The following ENOX1 variants were observed in gnomAD, a reference collection of about 807,000 sequenced individuals.
ENOX1 encodes ecto-NOX disulfide-thiol exchanger 1.
ENOX1 carries 42 observed loss-of-function variants against 82.5 expected under a neutral mutation model. That is an observed-to-expected ratio of 0.51 (90% CI 0.40 to 0.66). The LOEUF is 0.66. Ranked by LOEUF, ENOX1 falls within the 30% of genes least tolerant of loss-of-function variation. The pLI is 0.00. For synonymous variants in ENOX1, 271 were observed against 282.2 expected, an observed-to-expected ratio of 0.96 and a Z score of 0.40; for missense variants, 608 against 811.6, an observed-to-expected ratio of 0.75 and a Z score of 3.05.
At chr13:43,619,173 A>C (rs2082617144) in intron 2 of ENOX1, among the ~76,000 whole-genome samples, 1 of 151,956 alleles carries the variant, frequency 6.6e-6, no homozygotes, top group African/African-American at 2.4e-5. Flanking sequence ...AAACAATCAT[A>C]TCATCAGCAA....
intron 2 of ENOX1, among the ~76,000 whole-genome samples, chr13:43,625,906 G>A (rs1240791006): frequency 6.6e-6 from 1 of 151,886 alleles, no homozygotes; most frequent in African/African-American, 2.4e-5. Context: ...AAGAGACTCT[G>A]TAGAATTAGT....
At chr13:43,606,192 A>G (rs2081968609) in intron 2 of ENOX1, among the ~76,000 whole-genome samples, 1 of 152,194 alleles carries the variant, frequency 6.6e-6, no homozygotes. Flanking sequence ...AAAAGGGAAC[A>G]CTTGCACACT....
At chr13:43,636,086 C>T (rs954317397) in intron 2 of ENOX1, among the ~76,000 whole-genome samples, 9 of 152,142 alleles carry the variant, frequency 5.9e-5, no homozygotes, top group Non-Finnish European at 4.4e-5. Context: ...TTCTGTCCTA[C>T]ACCACCTCAG....
At chr13:43,643,649 A>G (rs2083762997) in intron 2 of ENOX1, among the ~76,000 whole-genome samples, 1 of 151,022 alleles carries the variant, frequency 6.6e-6, no homozygotes, top group Non-Finnish European at 1.5e-5. Context: ...ATATATATAT[A>G]CACACACATA....
intron 5 of ENOX1, among the ~76,000 whole-genome samples, chr13:43,401,716 G>C (rs544753549): frequency 7.2e-5 from 11 of 152,136 alleles, no homozygotes; most frequent in Non-Finnish European, 1.6e-4. Flanking sequence ...TCAAGTTCTC[G>C]AGATCCAGAG....
Position 43,236,703 on chromosome 13 carries a change from T to C in ENOX1, c.1647A>G (p.Gln549=), listed in dbSNP as rs150329674. 12 of 1,588,612 alleles carry C rather than the reference T, an allele frequency of 7.6e-6. No individual in the cohort carries two copies. Among genetic ancestry groups the C allele is most frequent in the Admixed American group, 1.9e-5 (1 of 52,090 alleles). The part of the protein sequence containing the change: ...INVLTVALVN[Q]DRENNIEKRS... ...TTTTCTCAATATTGTTCTCTCGGTCTTGGTTGACTAATGCAACTGTCAACA... is the reference window on the plus strand; with the variant it reads ...TTTTCTCAATATTGTTCTCTCGGTCCTGGTTGACTAATGCAACTGTCAACA... The change falls in exon 15 of 17, where the codon CAA becomes CAG. Residue 549 remains glutamine (Q), a synonymous_variant. Transcript: ENST00000690772.
chr13:43,496,782 T>C (rs887568997), intron 2 of ENOX1, among the ~76,000 whole-genome samples: 1 of 152,212 alleles, frequency 6.6e-6, no homozygotes, highest in African/African-American at 2.4e-5. Flanking sequence ...TAACATATTC[T>C]GTTCCATTGA....
rs2043190998 is a variant in ENOX1 at position 43,247,858 on chromosome 13, TATATATA to T, written c.1612-11127_1612-11121del. On this transcript the variant is annotated intron_variant, in intron 14 of 16. Coordinates refer to ENST00000690772, the MANE Select transcript of ENOX1 (RefSeq NM_001347969.2). ...ATATATATATATATATATATATATA[TATATATA>T]TATATATATATATATATATTTTTTT... Among the ~76,000 whole-genome samples the T allele has an allele frequency of 7.8e-3, 30 of 3,846 alleles. 4 individuals carry two copies. Among genetic ancestry groups the T allele is most frequent in the Non-Finnish European group, 0.011 (24 of 2,190 alleles). The allele number at this position is 3,846 out of a possible 152,430, so 2.5% of individuals were successfully genotyped here.
intron 2 of ENOX1, among the ~76,000 whole-genome samples, chr13:43,522,779 C>G (rs1352601024): frequency 1.3e-5 from 2 of 152,118 alleles, no homozygotes; most frequent in Non-Finnish European, 2.9e-5. Context: ...CATACAATTA[C>G]TATCATGTCA....
chr13:43,425,151 T>G (rs1040574157), intron 3 of ENOX1, among the ~76,000 whole-genome samples: 4 of 152,140 alleles, frequency 2.6e-5, no homozygotes, highest in African/African-American at 7.2e-5. Context: ...CCTGGTTATT[T>G]CTTGGTAAAA....
At chr13:43,316,209 C>A (rs570373378) in intron 11 of ENOX1, among the ~76,000 whole-genome samples, 79 of 152,282 alleles carry the variant, frequency 5.2e-4, no homozygotes, top group African/African-American at 1.9e-3. Flanking sequence ...TTTGTGGAGA[C>A]CCCACCCAGG....
intron 1 of ENOX1, among the ~76,000 whole-genome samples, chr13:43,707,373 A>AT (rs1345592590): frequency 6.6e-6 from 1 of 152,160 alleles, no homozygotes; most frequent in African/African-American, 2.4e-5. Flanking sequence ...TCACAGCAGG[A>AT]TTTTTACAGA....
intron 12 of ENOX1, among the ~76,000 whole-genome samples, chr13:43,276,234 C>T (rs573706295): frequency 5.9e-5 from 9 of 152,226 alleles, no homozygotes; most frequent in East Asian, 1.9e-4. Context: ...GGTGTGACTG[C>T]GTCTGATGGT....
chr13:43,237,139 G>T (rs2042587103), intron 14 of ENOX1, among the ~76,000 whole-genome samples: 1 of 152,234 alleles, frequency 6.6e-6, no homozygotes, highest in African/African-American at 2.4e-5. Flanking sequence ...AAATTTCTGA[G>T]TGTGTGGAGA....
chr13:43,434,164 G>C (rs2153615586), intron 3 of ENOX1, among the ~76,000 whole-genome samples: 1 of 152,252 alleles, frequency 6.6e-6, no homozygotes, highest in Non-Finnish European at 1.5e-5. Context: ...TGGTCACCCT[G>C]GTGACAACCA....
At chr13:43,387,278 G>A (rs181461528) in intron 5 of ENOX1, among the ~76,000 whole-genome samples, 64 of 152,300 alleles carry the variant, frequency 4.2e-4, no homozygotes, top group African/African-American at 5.8e-4. Context: ...GGAGGAAGCC[G>A]TTTGATTGGT....
At chr13:43,231,883 T>G (rs1292381723) in intron 15 of ENOX1, among the ~76,000 whole-genome samples, 1 of 152,194 alleles carries the variant, frequency 6.6e-6, no homozygotes, top group East Asian at 1.9e-4. Flanking sequence ...TATGCCTGCT[T>G]TAGCATCCTC....
chr13:43,490,162 G>A (rs1296402470), intron 2 of ENOX1, among the ~76,000 whole-genome samples: 4 of 152,052 alleles, frequency 2.6e-5, no homozygotes, highest in South Asian at 2.1e-4. Flanking sequence ...GGCTGGTCTC[G>A]AACTCCTGGC....
chr13:43,251,731 T>C (rs1566340483), intron 14 of ENOX1, among the ~76,000 whole-genome samples: 1 of 152,140 alleles, frequency 6.6e-6, no homozygotes. Context: ...TCTAATTACT[T>C]AGAATTTTTA....
Sources: gnomAD v4.1 joint callset for allele counts (sites outside exome capture counted in the v4.1 genomes callset) on GRCh38, gnomAD v4.1.1 for gene constraint, MANE v1.5 for transcripts, NCBI Gene and HGNC (gene_info 2026-07-23, HGNC 2026-07-21) for gene names.